The following FGF1 variants were observed in gnomAD, a reference collection of about 807,000 sequenced individuals.
FGF1 encodes beta-endothelial cell growth factor.
A neutral mutation model predicts 13.4 loss-of-function variants in FGF1; 9 were observed. That is an observed-to-expected ratio of 0.67 (90% CI 0.40 to 1.17). The LOEUF (loss-of-function observed/expected upper bound fraction) is 1.17, where lower values mean the gene tolerates loss of function less well. FGF1 is among the 50% of genes most tolerant of loss of function. The pLI is 0.01. For missense variants in FGF1, 156 were observed against 192.7 expected, an observed-to-expected ratio of 0.81 and a Z score of 1.13; for synonymous variants, 93 against 79.0, an observed-to-expected ratio of 1.18 and a Z score of -0.94.
rs1771111306 is a variant in FGF1, at chr5:142,669,838, G to GCCACCCTGGGGGTCACTCCACACC, written c.-35+16118_-35+16119insGGTGTGGAGTGACCCCCAGGGTGG. 2.0e-5 allele frequency among the ~76,000 whole-genome samples: 3 copies of GCCACCCTGGGGGTCACTCCACACC among 152,286 alleles called. No individual in the cohort carries two copies. The East Asian group carries it at 5.8e-4, about 29-fold the overall frequency. On this transcript the variant is annotated intron_variant, in intron 1 of 3. Coordinates refer to ENST00000337706, the MANE Select transcript of FGF1 (RefSeq NM_000800.5). ...CTGAAGAGCGAAGCAGACAGCGGCA[G>GCCACCCTGGGGGTCACTCCACACC]CCACCCTGGGGGTCACTCCACACTC...
intron 1 of FGF1, among the ~76,000 whole-genome samples, chr5:142,647,387 C>T (rs777232092): frequency 4.6e-5 from 7 of 152,184 alleles, no homozygotes; most frequent in African/African-American, 7.2e-5. Flanking sequence ...AAAAATCTTT[C>T]GCCCTTCTGT....
intron 1 of FGF1, among the ~76,000 whole-genome samples, chr5:142,667,572 CG>C (rs1770641702): frequency 7.4e-6 from 1 of 135,818 alleles, no homozygotes; most frequent in African/African-American, 2.8e-5. Flanking sequence ...GGGGACAGAG[CG>C]AGACTCCGTC....
At chr5:142,641,699 T>A (rs1765228092) in intron 1 of FGF1, among the ~76,000 whole-genome samples, 2 of 152,102 alleles carry the variant, frequency 1.3e-5, no homozygotes, top group South Asian at 4.1e-4. Context: ...TAAACAGTGT[T>A]ATTTCCATTT....
At chr5:142,597,113 A>G (rs17223891) in intron 3 of FGF1, among the ~76,000 whole-genome samples, 2,727 of 152,374 alleles carry the variant, frequency 0.018, 90 homozygotes, top group African/African-American at 0.061. Context: ...CATTTGCAAG[A>G]CTTAGAATGT....
At chr5:142,695,140 G>T (rs960381862) in intron 2 of FGF1, among the ~76,000 whole-genome samples, 1 of 152,166 alleles carries the variant, frequency 6.6e-6, no homozygotes, top group East Asian at 1.9e-4. Flanking sequence ...TTGAGACTTG[G>T]TTTACCCATC....
intron 1 of FGF1, among the ~76,000 whole-genome samples, chr5:142,670,003 C>T (rs1771150058): frequency 6.6e-6 from 1 of 152,174 alleles, no homozygotes; most frequent in Non-Finnish European, 1.5e-5. Context: ...CTGCCCGAAG[C>T]TACAAAGAGG....
At chr5:142,610,879 T>A (rs1217156593) in intron 2 of FGF1, among the ~76,000 whole-genome samples, 2 of 152,184 alleles carry the variant, frequency 1.3e-5, no homozygotes, top group Admixed American at 6.5e-5. Context: ...AAACTCATTC[T>A]CCTAGAGGTA....
At chr5:142,603,566 C>T (rs2151834626) in intron 2 of FGF1, among the ~76,000 whole-genome samples, 1 of 152,332 alleles carries the variant, frequency 6.6e-6, no homozygotes, top group Non-Finnish European at 1.5e-5. Context: ...CCTCTGGGGT[C>T]CTCAGCACCT....
chr5:142,614,183 T>G (rs1401865531), intron 1 of FGF1, 22 bp from the exon 2 acceptor site: 2 of 1,587,210 alleles, frequency 1.3e-6, no homozygotes, highest in African/African-American at 2.7e-5. Context: ...TGAACAAACC[T>G]GTAGTCGGTT....
chr5:142,599,922 G>A (rs17223786), intron 3 of FGF1, among the ~76,000 whole-genome samples: 171 of 152,322 alleles, frequency 1.1e-3, no homozygotes, highest in South Asian at 4.1e-3. Context: ...GTTGAATTAA[G>A]TTATTAAGCT....
At chr5:142,640,459 G>A (rs1040512622) in intron 1 of FGF1, among the ~76,000 whole-genome samples, 1 of 148,234 alleles carries the variant, frequency 6.7e-6, no homozygotes, top group Non-Finnish European at 1.5e-5. Flanking sequence ...AGCGGCATTG[G>A]AGCTGAGGCC....
upstream of FGF1, among the ~76,000 whole-genome samples, chr5:142,689,060 T>C (rs1439617873): frequency 6.6e-6 from 1 of 152,202 alleles, no homozygotes; most frequent in Admixed American, 6.5e-5. Flanking sequence ...ATACATTTTT[T>C]TTCTCTCCAG....
At chr5:142,643,133 A>G (rs1215140643) in intron 1 of FGF1, among the ~76,000 whole-genome samples, 1 of 152,220 alleles carries the variant, frequency 6.6e-6, no homozygotes, top group Non-Finnish European at 1.5e-5. Flanking sequence ...TGAAGAAACC[A>G]GCTTGTACTG....
rs116933598 is a variant in FGF1, at chr5:142,693,957, A to C, written c.-35+3665T>G. 8.2e-4 allele frequency among the ~76,000 whole-genome samples: 124 copies of C among 151,330 alleles called. No individual in the cohort carries two copies. The East Asian group carries it at 0.023, about 28-fold the overall frequency. On this transcript the variant is annotated intron_variant, in intron 2 of 4. Transcript: ENST00000407758. ...TTTGGGGTGTTTCTTCTGTTTGGCT[A>C]TTATTATACTGTTGTTATTCATGGG...
chr5:142,664,097 C>T (rs1010607100), intron 1 of FGF1, among the ~76,000 whole-genome samples: 19 of 152,158 alleles, frequency 1.2e-4, no homozygotes, highest in Non-Finnish European at 1.8e-4. Flanking sequence ...CCCTAAAGTC[C>T]AGGGGGAGTG....
At chr5:142,662,124 G>A (rs564669821) in intron 1 of FGF1, among the ~76,000 whole-genome samples, 20 of 152,296 alleles carry the variant, frequency 1.3e-4, no homozygotes, top group Non-Finnish European at 1.6e-4. Context: ...TGGTGTGCCC[G>A]GGGCTGAGGG....
intron 1 of FGF1, among the ~76,000 whole-genome samples, chr5:142,674,472 G>A (rs577671743): frequency 6.6e-6 from 1 of 152,300 alleles, no homozygotes; most frequent in Admixed American, 6.5e-5. Flanking sequence ...AATGTAGGTG[G>A]TATCCCTGCT....
At chr5:142,597,694 G>A (rs1004208039) in intron 3 of FGF1, among the ~76,000 whole-genome samples, 3 of 152,216 alleles carry the variant, frequency 2.0e-5, no homozygotes, top group African/African-American at 7.2e-5. Context: ...ACCCACAGTG[G>A]TTGGTGATTC....
intron 1 of FGF1, among the ~76,000 whole-genome samples, chr5:142,636,355 G>C (rs551814981): frequency 4.3e-4 from 66 of 152,342 alleles, no homozygotes; most frequent in Middle Eastern, 3.4e-3. Flanking sequence ...GGGTGAGGAA[G>C]GGAGGTGGCT....
Sources: gnomAD v4.1 joint callset for allele counts (sites outside exome capture counted in the v4.1 genomes callset) on GRCh38, gnomAD v4.1.1 for gene constraint, MANE v1.5 for transcripts, NCBI Gene and HGNC (gene_info 2026-07-23, HGNC 2026-07-21) for gene names.